The following SIM1 variants were observed in gnomAD, a reference collection of about 807,000 sequenced individuals.
SIM1 encodes single-minded homolog 1.
Under a neutral mutation model 78.2 loss-of-function variants are expected in SIM1, and 18 were observed. The ratio of observed to expected loss-of-function variants is 0.23; its 90% CI spans 0.16 to 0.34. The LOEUF (loss-of-function observed/expected upper bound fraction) is 0.34, where lower values mean the gene tolerates loss of function less well. Ranked by LOEUF, SIM1 falls within the 10% of genes least tolerant of loss-of-function variation. The pLI is 1.00. For missense variants in SIM1, 939 were observed against 975.1 expected, an observed-to-expected ratio of 0.96 and a Z score of 0.49; for synonymous variants, 417 against 385.2, an observed-to-expected ratio of 1.08 and a Z score of -0.97.
chr6:100,390,944 T>C lies in SIM1; in HGVS notation c.1718A>G (p.Gln573Arg), dbSNP rs751924649. ...KIETLIRATQ[Q>R]MIKEEENRLQ... ...TCTGTTCTCTTCTTCTTTAATCATT[T>C]GCTGAGTGGCTCTTATAAGAGTTTC... The change falls in exon 12 of 12, where the codon CAA becomes CGA. Residue 573 changes from glutamine to arginine, a missense_variant. Transcript: ENST00000369208. 1.2e-6 allele frequency: 2 copies of C among 1,614,176 alleles called. No individual in the cohort carries two copies. Among genetic ancestry groups the C allele is most frequent in the Admixed American group, 1.7e-5 (1 of 60,020 alleles).
intron 9 of SIM1, 104 bp from the exon 10 acceptor site, chr6:100,421,062 G>A: frequency 8.2e-7 from 1 of 1,214,704 alleles, no homozygotes; most frequent in South Asian, 1.6e-5. Flanking sequence ...AAGAAGGCAA[G>A]CAAAAGTTAG....
intron 3 of SIM1, among the ~76,000 whole-genome samples, chr6:100,450,849 A>G (rs1772498123): frequency 6.6e-6 from 1 of 152,120 alleles, no homozygotes; most frequent in African/African-American, 2.4e-5. Flanking sequence ...CTGGCAGTCA[A>G]AAGTTTGTAG....
chr6:100,444,888 TC>T (rs1387066254), intron 9 of SIM1, among the ~76,000 whole-genome samples: 2 of 152,130 alleles, frequency 1.3e-5, no homozygotes, highest in African/African-American at 4.8e-5. Flanking sequence ...GACATGAAAA[TC>T]CCTTTAAAAT....
chr6:100,457,027 C>G (rs1413944480), intron 2 of SIM1, among the ~76,000 whole-genome samples: 2 of 152,150 alleles, frequency 1.3e-5, no homozygotes, highest in Admixed American at 6.5e-5. Flanking sequence ...GAATGATGAG[C>G]CCCAGTCTAG....
Position 100,447,309 on chromosome 6 carries a change from G to A in SIM1, c.957C>T (p.Ser319=), listed in dbSNP as rs1190073988. The A allele has an allele frequency of 6.2e-7, 1 of 1,614,232 alleles. No homozygotes were observed. The highest frequency in any genetic ancestry group is 1.7e-5 in the Admixed American group (1 of 60,036). ...CGCTGACGATACAGTGTGGCCTGGAGGAGCGACTGTTGTGCACGATGGTCG... is the reference window on the plus strand; with the variant it reads ...CGCTGACGATACAGTGTGGCCTGGAAGAGCGACTGTTGTGCACGATGGTCG... ...SYATIVHNSR[S]SRPHCIVSVN... Residue 319 remains serine (S), a synonymous_variant, in exon 9 of 12, where the codon TCC becomes TCT. Coordinates refer to ENST00000369208, the MANE Select transcript of SIM1 (RefSeq NM_005068.3).
chr6:100,406,344 C>A (rs997229402), intron 10 of SIM1, among the ~76,000 whole-genome samples: 1 of 152,158 alleles, frequency 6.6e-6, no homozygotes, highest in African/African-American at 2.4e-5. Flanking sequence ...GTGGTGCCAC[C>A]TGCTCCAACC....
chr6:100,409,996 C>G (rs896479500), intron 10 of SIM1, among the ~76,000 whole-genome samples: 1 of 152,142 alleles, frequency 6.6e-6, no homozygotes, highest in African/African-American at 2.4e-5. Flanking sequence ...AATGTATGTT[C>G]TGCGTCAGAA....
At chr6:100,461,716 A>G (rs922317472) in intron 2 of SIM1, among the ~76,000 whole-genome samples, 2 of 152,218 alleles carry the variant, frequency 1.3e-5, no homozygotes, top group Admixed American at 6.5e-5. Flanking sequence ...CTCTTTTTTA[A>G]ATAGAAGGCA....
At position 100,389,809 on chromosome 6, in the gene SIM1, G is replaced by A; in HGVS notation, c.*552C>T. 2.5e-6 allele frequency: 1 copy of A among 398,888 alleles called. No individual in the cohort carries two copies. Among genetic ancestry groups the A allele is most frequent in the Non-Finnish European group, 4.4e-6 (1 of 226,214 alleles). The allele number at this position is 398,888 out of a possible 1,614,324, so 24.7% of individuals were successfully genotyped here. A position where few individuals can be genotyped will look rare whatever the true frequency, so the allele number is the denominator to read the frequency against. ...TCTAATTTATGCCTGAACCAAATGA[G>A]CTGGCTGATTTGAAACCACAAAGAA... On this transcript the variant is annotated 3_prime_UTR_variant, in exon 12 of 12. Transcript: ENST00000369208.
chr6:100,390,518 C>T lies in SIM1; in HGVS notation c.2144G>A (p.Gly715Glu), dbSNP rs753660670. ...YFDKHAYTLT[G>E]YALEHLYDSE... is the part of the protein sequence containing the mutation. ...GTCATATAAGTGCTCCAGGGCATAT[C>T]CAGTTAATGTGTAAGCATGCTTGTC... is the stretch of plus-strand genomic sequence containing the variant. Residue 715 changes from glycine (G) to glutamate (E), a missense_variant, in exon 12 of 12, where the codon GGA (glycine) becomes GAA (glutamate). Coordinates refer to ENST00000369208, the MANE Select transcript of SIM1 (RefSeq NM_005068.3). 1 of 1,614,082 alleles carries T rather than the reference C, an allele frequency of 6.2e-7. No homozygotes were observed. The highest frequency in any genetic ancestry group is 8.5e-7 in the Non-Finnish European group (1 of 1,180,024).
At chr6:100,450,449 A>C in intron 3 of SIM1, 93 bp from the exon 4 acceptor site, 8 of 1,100,116 alleles carry the variant, frequency 7.3e-6, no homozygotes, top group Non-Finnish European at 1.1e-5. Flanking sequence ...TTCAGCCAAA[A>C]GTGTAGAGAG....
intron 2 of SIM1, among the ~76,000 whole-genome samples, chr6:100,459,312 C>A (rs566041389): frequency 6.6e-6 from 1 of 152,034 alleles, no homozygotes; most frequent in Admixed American, 6.6e-5. Context: ...CATATAAATC[C>A]GCCTTGCAAA....
intron 10 of SIM1, among the ~76,000 whole-genome samples, chr6:100,413,337 C>A (rs898777309): frequency 6.6e-6 from 1 of 152,124 alleles, no homozygotes; most frequent in African/African-American, 2.4e-5. Flanking sequence ...TCTAGGTGGC[C>A]AAGGCAATCT....
intron 9 of SIM1, among the ~76,000 whole-genome samples, chr6:100,439,948 G>A (rs772731312): frequency 3.9e-5 from 6 of 152,150 alleles, no homozygotes; most frequent in Admixed American, 6.5e-5. Context: ...CACACACAAA[G>A]AGCACAAAAC....
intron 8 of SIM1, 54 bp downstream of exon 8, chr6:100,448,092 C>G (rs1385045210): frequency 1.4e-6 from 2 of 1,443,866 alleles, no homozygotes; most frequent in Non-Finnish European, 1.9e-6. Flanking sequence ...CCCCCACCCC[C>G]TAACCAGCGG....
Position 100,463,050 on chromosome 6 carries a change from C to T in SIM1, c.175+244G>A, listed in dbSNP as rs112333022. On this transcript the variant is annotated intron_variant, in intron 2 of 11. Coordinates refer to ENST00000369208, the MANE Select transcript of SIM1 (RefSeq NM_005068.3). ...TGACAAAAGGACTGTTGGGCTGCTT[C>T]CCAACCAAACATATCTGATGGACTG... is the stretch of plus-strand genomic sequence containing the variant. 915 of 423,344 alleles carry T rather than the reference C, an allele frequency of 2.2e-3. 9 individuals carry two copies. Among genetic ancestry groups the T allele is most frequent in the African/African-American group, 0.016 (837 of 50,838 alleles). The allele number at this position is 423,344 out of a possible 1,614,324, so 26.2% of individuals were successfully genotyped here. A position where few individuals can be genotyped will look rare whatever the true frequency, so the allele number is the denominator to read the frequency against.
chr6:100,410,986 A>C (rs908286282), intron 10 of SIM1, among the ~76,000 whole-genome samples: 4 of 152,234 alleles, frequency 2.6e-5, no homozygotes, highest in African/African-American at 9.6e-5. Context: ...AAAATAGTTT[A>C]AGATACTTTC....
At chr6:100,396,773 G>T (rs544512367) in intron 10 of SIM1, among the ~76,000 whole-genome samples, 1 of 152,106 alleles carries the variant, frequency 6.6e-6, no homozygotes, top group African/African-American at 2.4e-5. Flanking sequence ...CACTACAGCC[G>T]CATTACTTGA....
chr6:100,458,017 T>TCTCC lies in SIM1; in HGVS notation c.176-4174_176-4173insGGAG, dbSNP rs1772723233. On this transcript the variant is annotated intron_variant, in intron 2 of 11. Coordinates refer to ENST00000369208, the MANE Select transcript of SIM1 (RefSeq NM_005068.3). ...GTCTGTCTCTCTCTTTCTCTCTCTC[T>TCTCC]CTCTCTCTCTCTCTCTCTCTCTCTC... 2.0e-4 allele frequency among the ~76,000 whole-genome samples: 4 copies of TCTCC among 20,486 alleles called. 1 individual carries two copies. The highest frequency in any genetic ancestry group is 2.9e-4 in the African/African-American group (2 of 6,988). 13.4% of individuals were successfully genotyped at this position (20,486 alleles called of 152,430 possible). A position where few individuals can be genotyped will look rare whatever the true frequency, so the allele number is the denominator to read the frequency against.
Sources: gnomAD v4.1 joint callset for allele counts (sites outside exome capture counted in the v4.1 genomes callset) on GRCh38, gnomAD v4.1.1 for gene constraint, MANE v1.5 for transcripts, NCBI Gene and HGNC (gene_info 2026-07-23, HGNC 2026-07-21) for gene names.